The following TTC39A variants were observed in gnomAD, a reference collection of about 807,000 sequenced individuals.
TTC39A encodes the protein tetratricopeptide repeat domain 39A, also known as tetratricopeptide repeat protein 39A.
TTC39A carries 46 observed loss-of-function variants against 82.3 expected under a neutral mutation model. That is an observed-to-expected ratio of 0.56 (90% confidence interval 0.44 to 0.71). The LOEUF (loss-of-function observed/expected upper bound fraction) is 0.71. TTC39A is among the 30% of genes least tolerant of loss of function. TTC39A has a pLI of 0.00. For missense variants in TTC39A, 543 were observed against 712.9 expected (o/e 0.76, Z 2.71); for synonymous variants, 254 against 275.2 (o/e 0.92, Z 0.76).
chr1:51,329,290 G>T (rs541903502), intron 1 of TTC39A, among the ~76,000 whole-genome samples: 1 of 152,272 alleles, frequency 6.6e-6, no homozygotes, highest in African/African-American at 2.4e-5. Flanking sequence ...CTGCACAGAA[G>T]GAACCTACCC....
chr1:51,319,844 C>T (rs1181597255), intron 2 of TTC39A, among the ~76,000 whole-genome samples: 1 of 152,032 alleles, frequency 6.6e-6, no homozygotes, highest in Admixed American at 6.6e-5. Context: ...GCACTCGCCA[C>T]CATGCCCGGC....
intron 12 of TTC39A, chr1:51,297,594 C>G (rs1644489131): frequency 6.6e-6 from 1 of 152,422 alleles, no homozygotes; most frequent in African/African-American, 2.4e-5. Flanking sequence ...GACACCAAGT[C>G]CCGGTGACTT....
chr1:51,309,226 GGT>G (rs1223155360), intron 6 of TTC39A, 33 bp downstream of exon 6: 2 of 1,576,374 alleles, frequency 1.3e-6, no homozygotes, highest in African/African-American at 2.7e-5. Flanking sequence ...TGTGGCCCAG[GGT>G]CTCCCCACAA....
intron 6 of TTC39A, 120 bp from the exon 7 acceptor site, chr1:51,306,196 A>C: frequency 1.4e-6 from 1 of 729,458 alleles, no homozygotes; most frequent in Non-Finnish European, 2.3e-6. Context: ...AGTTCTGGTA[A>C]TCCTGAGAGC....
intron 14 of TTC39A, among the ~76,000 whole-genome samples, chr1:51,292,900 G>A (rs971074239): frequency 1.3e-5 from 2 of 152,074 alleles, no homozygotes; most frequent in Non-Finnish European, 2.9e-5. Context: ...ACTGTGTTTA[G>A]GCCAGTCTTT....
intron 1 of TTC39A, among the ~76,000 whole-genome samples, chr1:51,322,694 A>T (rs976188834): frequency 5.3e-5 from 8 of 152,228 alleles, no homozygotes; most frequent in African/African-American, 1.9e-4. Context: ...GATGAAACTA[A>T]GAGATCCCAG....
chr1:51,312,691 A>G (rs1645129343), intron 3 of TTC39A, 121 bp downstream of exon 3: 1 of 1,420,094 alleles, frequency 7.0e-7, no homozygotes, highest in African/African-American at 1.4e-5. Context: ...TAGCACATGC[A>G]GACACAACCT....
intron 1 of TTC39A, among the ~76,000 whole-genome samples, chr1:51,337,632 G>C (rs1163137903): frequency 6.6e-6 from 1 of 151,864 alleles, no homozygotes; most frequent in Non-Finnish European, 1.5e-5. Context: ...TCACCATGTT[G>C]GCCAGGCTGG....
At chr1:51,322,103 A>C in intron 1 of TTC39A, 9 of 1,552,280 alleles carry the variant, frequency 5.8e-6, no homozygotes, top group Non-Finnish European at 7.8e-6. Context: ...AGGCCTCAGG[A>C]ATCAATGATC....
In TTC39A at chr1:51,288,948, T is replaced by C. The variant is rs1644095473; in HGVS notation, c.1501A>G (p.Lys501Glu). 1.3e-6 allele frequency: 2 copies of C among 1,599,904 alleles called. No individual in the cohort carries two copies. The highest frequency in any genetic ancestry group is 8.5e-7 in the Non-Finnish European group (1 of 1,173,022). Reference protein sequence around the residue: ...NFRSISANEKKIKYDHYLIPN... With the variant: ...NFRSISANEKEIKYDHYLIPN... ...ATCAAGTAGTGGTCATATTTAATCT[T>C]CTTTTCACTGCAGAACAGAGGACAT... The change falls in exon 17 of 18, where the codon AAG becomes GAG. Residue 501 changes from lysine to glutamate, a missense_variant. Lys to Glu is a moderately conservative substitution (Grantham distance 56, BLOSUM62 1). Transcript: ENST00000680483. The surrounding 1 kb of genome is among the most constrained non-coding windows in gnomAD (Gnocchi z 4.8).
intron 2 of TTC39A, 100 bp from the exon 3 acceptor site, chr1:51,313,043 G>T (rs982591699): frequency 6.6e-7 from 1 of 1,506,438 alleles, no homozygotes; most frequent in Admixed American, 1.9e-5. Context: ...CTGCAGTGAG[G>T]TGAGGGGACC....
rs771508460 is a variant in TTC39A at position 51,314,205 on chromosome 1, C to CA, written c.147-1263dup. Among the ~76,000 whole-genome samples the CA allele has an allele frequency of 5.3e-5, 8 of 152,314 alleles. No homozygotes were observed. In the East Asian group the frequency reaches 1.5e-3, roughly 29 times the overall value. On this transcript the variant is annotated intron_variant, in intron 2 of 17. Transcript: ENST00000680483. ...CATTTAGTCCATCACATGGAGAAGG[C>CA]AACAGGCAGGGAGGGACGGGAACAA...
At chr1:51,303,766 G>C (rs1048586524) in intron 8 of TTC39A, among the ~76,000 whole-genome samples, 18 of 152,148 alleles carry the variant, frequency 1.2e-4, no homozygotes, top group African/African-American at 4.3e-4. Context: ...TGGCTCCCCT[G>C]CCTTCGAGAT....
At chr1:51,289,178 A>T (rs1398798251) in intron 16 of TTC39A, among the ~76,000 whole-genome samples, 1 of 151,462 alleles carries the variant, frequency 6.6e-6, no homozygotes. Flanking sequence ...CTAAGTCCCG[A>T]CCTCCCTTTC....
chr1:51,319,416 A>G (rs1436097959), intron 2 of TTC39A, among the ~76,000 whole-genome samples: 1 of 152,238 alleles, frequency 6.6e-6, no homozygotes, highest in Non-Finnish European at 1.5e-5. Flanking sequence ...GGAAAGGGAA[A>G]CAAGACGGAA....
Position 51,330,409 on chromosome 1 carries a change from C to T in TTC39A, c.41+28G>A, listed in dbSNP as rs1343704300. ...CGGGCCCCAGCCCGCGCCGCCCGCG[C>T]CCCCGGGCCTCCCAGCCGCGCACTT... On this transcript the variant is annotated intron_variant, in intron 1 of 17. Transcript: ENST00000680483. The surrounding 1 kb of genome is among the most constrained non-coding windows in gnomAD (Gnocchi z 4.5). 28 of 979,638 alleles carry T rather than the reference C, an allele frequency of 2.9e-5. No individual in the cohort carries two copies. The highest frequency in any genetic ancestry group is 4.6e-5 in the South Asian group (1 of 21,602). The allele number at this position is 979,638 out of a possible 1,614,324, so 60.7% of individuals were successfully genotyped here.
chr1:51,330,692 C>G, upstream of TTC39A: 1 of 919,286 alleles, frequency 1.1e-6, no homozygotes, highest in South Asian at 4.8e-5. The surrounding 1 kb of genome is among the most constrained non-coding windows in gnomAD (Gnocchi z 4.5). Context: ...CGCTCCCGCA[C>G]CGCCGGGGGT....
intron 2 of TTC39A, among the ~76,000 whole-genome samples, chr1:51,317,840 C>T (rs958117822): frequency 2.6e-5 from 4 of 152,210 alleles, no homozygotes; most frequent in African/African-American, 9.7e-5. Flanking sequence ...TGCACTACTT[C>T]CCACGTGAGA....
At chr1:51,330,734 T>A, upstream of TTC39A, 1 of 661,800 alleles carries the variant, frequency 1.5e-6, no homozygotes, top group Non-Finnish European at 1.9e-6. The surrounding 1 kb of genome is among the most constrained non-coding windows in gnomAD (Gnocchi z 4.5). Flanking sequence ...CTCCGACAGG[T>A]GAGAGCCCGG....
Sources: allele counts gnomAD v4.1 joint callset (sites outside exome capture counted in the v4.1 genomes callset), GRCh38; gene constraint gnomAD v4.1.1; non-coding constraint Gnocchi (gnomAD v3.1); transcripts MANE v1.5; gene names NCBI Gene and HGNC (gene_info 2026-07-23, HGNC 2026-07-21).